The following TMEM178B variants were observed in gnomAD, a reference collection of about 807,000 sequenced individuals.
The protein encoded by TMEM178B is transmembrane protein 178B.
A neutral mutation model predicts 31.0 loss-of-function variants in TMEM178B; 5 were observed. That is an observed-to-expected ratio of 0.16 (90% confidence interval 0.08 to 0.34). The LOEUF (loss-of-function observed/expected upper bound fraction) is 0.34, where lower values mean the gene tolerates loss of function less well. TMEM178B is among the 10% of genes least tolerant of loss of function. The pLI is 1.00. For missense variants in TMEM178B, 275 were observed against 400.3 expected, an observed-to-expected ratio of 0.69 and a Z score of 2.67; for synonymous variants, 164 against 164.0, an observed-to-expected ratio of 1.00 and a Z score of 0.00.
intron 2 of TMEM178B, among the ~76,000 whole-genome samples, chr7:141,237,642 T>A (rs904855091): frequency 8.5e-5 from 13 of 152,198 alleles, no homozygotes; most frequent in Admixed American, 2.6e-4. Context: ...TTCAAGATTT[T>A]TTTTGTATTT....
chr7:141,446,108 G>A (rs919607317), intron 3 of TMEM178B, among the ~76,000 whole-genome samples: 1 of 152,108 alleles, frequency 6.6e-6, no homozygotes, highest in Non-Finnish European at 1.5e-5. Context: ...AATAACATCC[G>A]GGTTTACCTA....
intron 1 of TMEM178B, among the ~76,000 whole-genome samples, chr7:141,194,999 C>T (rs1394909585): frequency 6.6e-6 from 1 of 152,220 alleles, no homozygotes; most frequent in African/African-American, 2.4e-5. Context: ...ACACAGGGCA[C>T]CAAGTCCCTA....
At chr7:141,411,932 G>A (rs1800997334) in intron 2 of TMEM178B, among the ~76,000 whole-genome samples, 1 of 152,198 alleles carries the variant, frequency 6.6e-6, no homozygotes, top group Non-Finnish European at 1.5e-5. Flanking sequence ...GCAAGGATGC[G>A]AGGGAATGAA....
At chr7:141,435,451 A>C (rs1292461626) in intron 2 of TMEM178B, among the ~76,000 whole-genome samples, 1 of 152,164 alleles carries the variant, frequency 6.6e-6, no homozygotes, top group Non-Finnish European at 1.5e-5. Flanking sequence ...ATGGGATCAC[A>C]TGTCAAGTGG....
At chr7:141,429,308 T>TACATACACACACAC (rs113575203) in intron 2 of TMEM178B, among the ~76,000 whole-genome samples, 1 of 149,630 alleles carries the variant, frequency 6.7e-6, no homozygotes, top group Non-Finnish European at 1.5e-5. Context: ...GAAAATGTAA[T>TACATACACACACAC]ACACACACAC....
intron 2 of TMEM178B, 94 bp from the exon 3 acceptor site, chr7:141,437,514 C>T: frequency 1.4e-6 from 2 of 1,472,618 alleles, no homozygotes; most frequent in Non-Finnish European, 9.0e-7. Context: ...CCTGGAGGGC[C>T]ACTCCCTCTC....
chr7:141,462,346 A>G (rs1208496816), intron 3 of TMEM178B, among the ~76,000 whole-genome samples: 1 of 152,168 alleles, frequency 6.6e-6, no homozygotes, highest in Non-Finnish European at 1.5e-5. Context: ...GTGTGTGGCC[A>G]GGGAACACCT....
intron 1 of TMEM178B, among the ~76,000 whole-genome samples, chr7:141,156,125 A>G (rs1040494726): frequency 2.6e-5 from 4 of 152,154 alleles, no homozygotes; most frequent in African/African-American, 9.7e-5. Flanking sequence ...ACTCCCTTAG[A>G]CACTTGAGCT....
intron 2 of TMEM178B, among the ~76,000 whole-genome samples, chr7:141,400,541 CA>C (rs1800742102): frequency 1.3e-5 from 2 of 152,196 alleles, no homozygotes; most frequent in African/African-American, 4.8e-5. Flanking sequence ...TACACCCACC[CA>C]TTCCCAGAAT....
intron 1 of TMEM178B, among the ~76,000 whole-genome samples, chr7:141,136,723 C>G (rs975052257): frequency 6.6e-6 from 1 of 151,924 alleles, no homozygotes. Flanking sequence ...AGTGGGCAAT[C>G]GGCACAGTGG....
At position 141,137,352 on chromosome 7, in the gene TMEM178B, A is replaced by G. The variant is rs1169820839; in HGVS notation, c.382+62660A>G. Reference sequence around the variant, plus strand: ...GATGAATAGATAAAGGAAATGTGGCATATATATGCAATGAAATACTATTCA... The same window carrying G: ...GATGAATAGATAAAGGAAATGTGGCGTATATATGCAATGAAATACTATTCA... On this transcript the variant is annotated intron_variant, in intron 1 of 3. Transcript: ENST00000565468. 3.3e-5 allele frequency among the ~76,000 whole-genome samples: 5 copies of G among 152,228 alleles called. No homozygotes were observed. In the South Asian group the frequency reaches 8.3e-4, roughly 25 times the overall value.
chr7:141,482,098 G>C (rs1802485782), downstream of TMEM178B, among the ~76,000 whole-genome samples: 1 of 152,198 alleles, frequency 6.6e-6, no homozygotes, highest in Non-Finnish European at 1.5e-5. Flanking sequence ...TGTCTCAAAT[G>C]AATTATGCAG....
At chr7:141,485,587 C>T in the TMEM178B span, among the ~76,000 whole-genome samples, 1 of 152,224 alleles carries the variant, frequency 6.6e-6, no homozygotes, top group South Asian at 2.1e-4. Context: ...TGTGCAAAGT[C>T]CCACTGGCTA....
chr7:141,316,866 A>G (rs547990829), intron 2 of TMEM178B, among the ~76,000 whole-genome samples: 69 of 152,134 alleles, frequency 4.5e-4, no homozygotes, highest in African/African-American at 1.5e-3. Flanking sequence ...ATTTTGTGTC[A>G]CTTTATTTTT....
At chr7:141,404,778 T>C (rs1199580781) in intron 2 of TMEM178B, among the ~76,000 whole-genome samples, 2 of 152,194 alleles carry the variant, frequency 1.3e-5, no homozygotes, top group African/African-American at 2.4e-5. Flanking sequence ...ATTTTATGTA[T>C]AAGGAAATTG....
chr7:141,278,596 AT>A (rs952711901), intron 2 of TMEM178B, among the ~76,000 whole-genome samples: 11 of 152,138 alleles, frequency 7.2e-5, no homozygotes, highest in African/African-American at 2.7e-4. Context: ...AAAATAAAAA[AT>A]AAAAAAATAA....
intron 1 of TMEM178B, among the ~76,000 whole-genome samples, chr7:141,169,717 G>C (rs763042414): frequency 6.6e-6 from 1 of 152,106 alleles, no homozygotes; most frequent in Non-Finnish European, 1.5e-5. Context: ...GCCTCAAAAG[G>C]CTCACAGAGA....
intron 2 of TMEM178B, among the ~76,000 whole-genome samples, chr7:141,393,539 T>C (rs1235237492): frequency 6.6e-6 from 1 of 152,220 alleles, no homozygotes; most frequent in Non-Finnish European, 1.5e-5. Context: ...TTCTATCTTC[T>C]GGACACCATG....
At position 141,074,239 on chromosome 7, in the gene TMEM178B, T is replaced by G; in HGVS notation, c.-72T>G. 6.9e-7 allele frequency: 1 copy of G among 1,442,132 alleles called. No individual in the cohort carries two copies. The highest frequency in any genetic ancestry group is 2.5e-5 in the East Asian group (1 of 39,784). 89.3% of individuals were successfully genotyped at this position (1,442,132 alleles called of 1,614,324 possible). On this transcript the variant is annotated 5_prime_UTR_variant, in exon 1 of 4. Coordinates refer to ENST00000565468, the MANE Select transcript of TMEM178B (RefSeq NM_001195278.2). This position sits in a 1 kb window ranked among gnomAD's most constrained non-coding sequence, Gnocchi z 5.1. ...TCCCCCAGCTCGGCCGCCCGCCGCT[T>G]TGTTCCGGGTGCGGCGAGGGAAGGC...
Sources: allele counts gnomAD v4.1 joint callset (sites outside exome capture counted in the v4.1 genomes callset), GRCh38; gene constraint gnomAD v4.1.1; non-coding constraint Gnocchi (gnomAD v3.1); transcripts MANE v1.5; gene names NCBI Gene and HGNC (gene_info 2026-07-23, HGNC 2026-07-21).